SORCS2: variants seen among roughly 807,000 people sequenced by gnomAD.
The protein encoded by SORCS2 is sortilin related VPS10 domain containing receptor 2.
Under a neutral mutation model 141.6 loss-of-function variants are expected in SORCS2, and 100 were observed. The observed-to-expected ratio is 0.71, with a 90% confidence interval of 0.60 to 0.83. The LOEUF (loss-of-function observed/expected upper bound fraction) is 0.83. Ranked by LOEUF, SORCS2 falls within the 40% of genes least tolerant of loss-of-function variation. The pLI, the probability that SORCS2 is intolerant of heterozygous loss-of-function variation, is 0.00. For missense variants in SORCS2, 1,646 were observed against 1,560.2 expected (o/e 1.05, Z -0.93); for synonymous variants, 789 against 676.9 (o/e 1.17, Z -2.57).
chr4:7,660,703 T>TG (rs1304522801), intron 5 of SORCS2, among the ~76,000 whole-genome samples: 1 of 152,188 alleles, frequency 6.6e-6, no homozygotes, highest in African/African-American at 2.4e-5. Context: ...CTGTCCCTAG[T>TG]GGGGTCACCT....
At position 7,682,816 on chromosome 4, in the gene SORCS2, AC is replaced by A. The variant is rs755449609; in HGVS notation, c.1416del (p.Asn472LysfsTer9). 4 of 1,612,912 alleles carry A rather than the reference AC, an allele frequency of 2.5e-6. No homozygotes were observed. The highest frequency in any genetic ancestry group is 3.4e-6 in the Non-Finnish European group (4 of 1,179,504). ...DGKVMTLITY[N>X]KGRDWDYLRP... Reference sequence around the variant, plus strand: ...AAAGTGATGACGCTTATAACCTACAACAAGGGCCGCGACTGGGATTACCTGA... The same window carrying A: ...AAAGTGATGACGCTTATAACCTACAAAAGGGCCGCGACTGGGATTACCTGA... On this transcript the variant is annotated frameshift_variant, in exon 10 of 27. Transcript: ENST00000507866. LOFTEE classifies it high-confidence loss of function.
At chr4:7,403,989 ATATATATATTTTTTTTT>A (rs1329805385) in intron 2 of SORCS2, among the ~76,000 whole-genome samples, 4 of 7,764 alleles carry the variant, frequency 5.2e-4, no homozygotes, top group Non-Finnish European at 9.1e-4. Flanking sequence ...ATATATATAT[ATATATATATTTTTTTTT>A]TTTTTTTAGT....
chr4:7,473,426 G>A (rs114561301), intron 2 of SORCS2, among the ~76,000 whole-genome samples: 4,578 of 151,856 alleles, frequency 0.03, 256 homozygotes, highest in African/African-American at 0.097. Flanking sequence ...CGCAGGGAGC[G>A]GCTCCAGAAG....
chr4:7,563,088 C>T (rs1257507467), intron 3 of SORCS2, among the ~76,000 whole-genome samples: 2 of 152,130 alleles, frequency 1.3e-5, no homozygotes, highest in African/African-American at 2.4e-5. Flanking sequence ...TACCAAAATC[C>T]GTTCTGTGGA....
intron 4 of SORCS2, among the ~76,000 whole-genome samples, chr4:7,641,440 C>A (rs951173702): frequency 2.0e-5 from 3 of 152,162 alleles, no homozygotes; most frequent in African/African-American, 7.2e-5. Context: ...GAAACTGCCC[C>A]ATGATCCAAT....
intron 3 of SORCS2, among the ~76,000 whole-genome samples, chr4:7,533,382 A>G (rs889184148): frequency 1.3e-5 from 2 of 152,116 alleles, no homozygotes; most frequent in African/African-American, 2.4e-5. Flanking sequence ...GCTGGCGCTG[A>G]CCCAGATGAG....
At chr4:7,448,189 G>A (rs1490097714) in intron 2 of SORCS2, among the ~76,000 whole-genome samples, 1 of 152,128 alleles carries the variant, frequency 6.6e-6, no homozygotes, top group African/African-American at 2.4e-5. Flanking sequence ...TGCTGCTCCG[G>A]GCCCTGTGGC....
rs529143100 is a variant in SORCS2 at position 7,524,092 on chromosome 4, T to C, written c.549-7438T>C. Among the ~76,000 whole-genome samples, 48 of 152,292 alleles carry C rather than the reference T, an allele frequency of 3.2e-4. No individual in the cohort carries two copies. The South Asian group carries it at 5.2e-3, about 16-fold the overall frequency. On this transcript the variant is annotated intron_variant, in intron 2 of 26. Transcript: ENST00000507866. ...GAAGCTCAGTCAGTGCAACTGCCTA[T>C]AGAGAGGTGAATAGAGTCGCCCCCA...
chr4:7,539,681 C>A (rs891129128), intron 3 of SORCS2, among the ~76,000 whole-genome samples: 2 of 106,380 alleles, frequency 1.9e-5, no homozygotes, highest in African/African-American at 5.3e-5. Context: ...AAGGCCCCGA[C>A]CCCCGTTATG....
At chr4:7,593,837 C>T (rs1015230259) in intron 3 of SORCS2, among the ~76,000 whole-genome samples, 1 of 152,194 alleles carries the variant, frequency 6.6e-6, no homozygotes, top group Non-Finnish European at 1.5e-5. Context: ...AACTCATCAA[C>T]TCCGGCGATA....
rs7676723 is a variant in SORCS2, at chr4:7,502,487, G to A, written c.549-29043G>A. 8.5e-3 allele frequency among the ~76,000 whole-genome samples: 1,287 copies of A among 152,266 alleles called. 16 individuals are homozygous for A. The highest frequency in any genetic ancestry group is 0.029 in the African/African-American group (1,200 of 41,534). On this transcript the variant is annotated intron_variant, in intron 2 of 26. Transcript: ENST00000507866. The stretch of plus-strand genomic sequence containing the variant: ...GGACATTCAAGGGTCTGGTCAGAGC[G>A]GCTACTACCATTTATAAATAGGAGC...
chr4:7,237,541 CTATT>C (rs1279956475), intron 1 of SORCS2, among the ~76,000 whole-genome samples: 1 of 152,136 alleles, frequency 6.6e-6, no homozygotes, highest in South Asian at 2.1e-4. Flanking sequence ...ATTTATCTAT[CTATT>C]TATTTATTTA....
chr4:7,722,919 C>A (rs535812737), intron 18 of SORCS2, among the ~76,000 whole-genome samples: 1 of 152,076 alleles, frequency 6.6e-6, no homozygotes, highest in Non-Finnish European at 1.5e-5. Context: ...ACGGTTTCCT[C>A]GTGCCCCTGG....
At chr4:7,434,698 G>C in intron 2 of SORCS2, 2 of 1,612,988 alleles carry the variant, frequency 1.2e-6, no homozygotes, top group Non-Finnish European at 1.7e-6. Flanking sequence ...GCAGGGCAGA[G>C]ACTTCGCGGT....
chr4:7,706,195 G>A (rs1194722209), intron 14 of SORCS2, among the ~76,000 whole-genome samples: 78 of 115,414 alleles, frequency 6.8e-4, no homozygotes, highest in Admixed American at 1.2e-3. Flanking sequence ...CTCCGTCTGG[G>A]CAGGGATGAG....
At chr4:7,304,431 G>C (rs1232196386) in intron 1 of SORCS2, among the ~76,000 whole-genome samples, 1 of 152,174 alleles carries the variant, frequency 6.6e-6, no homozygotes, top group African/African-American at 2.4e-5. Flanking sequence ...CTCTTTTGCA[G>C]GAGAACTGAT....
At position 7,269,456 on chromosome 4, in the gene SORCS2, C is replaced by A. The variant is rs116785541; in HGVS notation, c.480+76330C>A. On this transcript the variant is annotated intron_variant, in intron 1 of 26. Coordinates refer to ENST00000507866, the MANE Select transcript of SORCS2 (RefSeq NM_020777.3). ...AACACGATCTTATTTGAAATCAGATCTTTATGGATGGAATCCAGTGAAGGA... is the reference window on the plus strand; with the variant it reads ...AACACGATCTTATTTGAAATCAGATATTTATGGATGGAATCCAGTGAAGGA... 7.4e-3 allele frequency among the ~76,000 whole-genome samples: 1,126 copies of A among 152,318 alleles called. 12 individuals carry two copies. Among genetic ancestry groups the A allele is most frequent in the African/African-American group, 0.024 (1,008 of 41,582 alleles).
intron 2 of SORCS2, among the ~76,000 whole-genome samples, chr4:7,467,545 C>T (rs1444113850): frequency 1.3e-5 from 2 of 152,186 alleles, no homozygotes; most frequent in African/African-American, 4.8e-5. Context: ...CACCCAGCTC[C>T]TGAGTGTGGG....
At chr4:7,679,807 G>A (rs1723399836) in intron 9 of SORCS2, among the ~76,000 whole-genome samples, 1 of 150,716 alleles carries the variant, frequency 6.6e-6, no homozygotes, top group South Asian at 2.1e-4. Context: ...TGTGATATGG[G>A]CAGTTATGCA....
Sources: gnomAD v4.1 joint callset for allele counts (sites outside exome capture counted in the v4.1 genomes callset) on GRCh38, gnomAD v4.1.1 for gene constraint, MANE v1.5 for transcripts, NCBI Gene and HGNC (gene_info 2026-07-23, HGNC 2026-07-21) for gene names.